BACE1: variants seen among roughly 807,000 people sequenced by gnomAD.
BACE1 encodes the protein APP beta-secretase.
Under a neutral mutation model 54.0 loss-of-function variants are expected in BACE1, and 21 were observed. The ratio of observed to expected loss-of-function variants is 0.39; its 90% confidence interval spans 0.28 to 0.56. The LOEUF (loss-of-function observed/expected upper bound fraction) is 0.56. BACE1 is among the 20% of genes least tolerant of loss of function. The pLI is 0.63. For missense variants in BACE1, 511 were observed against 661.2 expected (o/e 0.77, Z 2.49); for synonymous variants, 232 against 260.9 (o/e 0.89, Z 1.07).
At position 117,315,241 on chromosome 11, in the gene BACE1, C is replaced by T. The variant is rs369347844; in HGVS notation, c.261+294G>A. On this transcript the variant is annotated intron_variant, in intron 1 of 8. Transcript: ENST00000313005. The surrounding 1 kb of genome is among the most constrained non-coding windows in gnomAD (Gnocchi z 5.5). The stretch of plus-strand genomic sequence containing the variant: ...TATAGTGCCCCTGTGGCGGACCCTT[C>T]CTCCAGGTCAGGGTCCCCAGCTGAT... 6.6e-6 allele frequency among the ~76,000 whole-genome samples: 1 copy of T among 152,266 alleles called. No homozygotes were observed. Among genetic ancestry groups the T allele is most frequent in the East Asian group, 1.9e-4 (1 of 5,168 alleles).
chr11:117,315,955 C>G lies in BACE1; in HGVS notation c.-160G>C. ...AGGGCCCTGGGCCAGCCCCCGGGTC[C>G]GGGCTGTGGAGAGCGGTCAGGGGAG... On this transcript the variant is annotated 5_prime_UTR_variant, in exon 1 of 9. Transcript: ENST00000313005. The surrounding 1 kb of genome is among the most constrained non-coding windows in gnomAD (Gnocchi z 5.5). The G allele has an allele frequency of 1.3e-6, 1 of 785,380 alleles. No homozygotes were observed. Among genetic ancestry groups the G allele is most frequent in the Non-Finnish European group, 1.8e-6 (1 of 549,942 alleles). 48.7% of individuals were successfully genotyped at this position (785,380 alleles called of 1,614,324 possible).
intron 1 of BACE1, among the ~76,000 whole-genome samples, chr11:117,299,217 G>A (rs1351308720): frequency 6.6e-6 from 1 of 152,214 alleles, no homozygotes; most frequent in South Asian, 2.1e-4. Flanking sequence ...AAAAGGAAAG[G>A]CCCCACCCTC....
chr11:117,298,918 G>A lies in BACE1; in HGVS notation c.262-1957C>T, dbSNP rs926908040. 3.9e-5 allele frequency among the ~76,000 whole-genome samples: 6 copies of A among 152,296 alleles called. No individual in the cohort carries two copies. In the East Asian group the frequency reaches 1.2e-3, roughly 29 times the overall value. Reference sequence around the variant, plus strand: ...CCTCCTGGGTTCAAGTGATTCTCCTGTCTCAGTCTCCTGAGTAGCTGGGAT... The same window carrying A: ...CCTCCTGGGTTCAAGTGATTCTCCTATCTCAGTCTCCTGAGTAGCTGGGAT... On this transcript the variant is annotated intron_variant, in intron 1 of 8. Coordinates refer to ENST00000313005, the MANE Select transcript of BACE1 (RefSeq NM_012104.6).
chr11:117,300,244 GCTCT>G (rs1205411954), intron 1 of BACE1, among the ~76,000 whole-genome samples: 1 of 151,966 alleles, frequency 6.6e-6, no homozygotes, highest in Non-Finnish European at 1.5e-5. Context: ...GGTCCCCACT[GCTCT>G]CTGCCTCCCC....
chr11:117,314,847 A>G (rs2035045258), intron 1 of BACE1: 1 of 151,518 alleles, frequency 6.6e-6, no homozygotes, highest in South Asian at 2.1e-4. Context: ...CTCCTTTCCT[A>G]CCATTTGTTC....
chr11:117,313,117 C>T (rs1270732064), intron 1 of BACE1, among the ~76,000 whole-genome samples: 7 of 152,160 alleles, frequency 4.6e-5, no homozygotes, highest in Admixed American at 3.9e-4. Flanking sequence ...ACAACAGCCG[C>T]GCCAGGTAGG....
At chr11:117,299,362 G>C (rs954652996) in intron 1 of BACE1, among the ~76,000 whole-genome samples, 17 of 151,940 alleles carry the variant, frequency 1.1e-4, no homozygotes. Context: ...CCTCAGTTTT[G>C]GTGCAGGCCC....
intron 1 of BACE1, among the ~76,000 whole-genome samples, chr11:117,300,268 T>TAC (rs767943811): frequency 3.3e-5 from 5 of 152,030 alleles, no homozygotes; most frequent in East Asian, 1.9e-4. Flanking sequence ...CTCTCCACCT[T>TAC]ACACACACAC....
rs1310833563 is a variant in BACE1 at position 117,287,477 on chromosome 11, CAGGA to C, written c.*2085_*2088del. ...ACACTTAGAGTTTATAATTTTGGGG[CAGGA>C]AGGAAGTAACTGTAAAAAGAAAAAC... On this transcript the variant is annotated 3_prime_UTR_variant, in exon 9 of 9. Coordinates refer to ENST00000313005, the MANE Select transcript of BACE1 (RefSeq NM_012104.6). 1.3e-5 allele frequency: 2 copies of C among 152,282 alleles called. No individual in the cohort carries two copies. The highest frequency in any genetic ancestry group is 3.8e-4 in the East Asian group (2 of 5,200). The allele number at this position is 152,282 out of a possible 1,614,324, so 9.4% of individuals were successfully genotyped here.
rs755703640 is a variant in BACE1, at chr11:117,295,164, G to A, written c.534C>T (p.Gly178=). The part of the protein sequence containing the change: ...KFFINGSNWE[G]ILGLAYAEIA... ...TCTCAGCATAGGCCAGCCCCAGGAT[G>A]CCTTCCCAGTTGGAGCCGTTGATGA... is the stretch of plus-strand genomic sequence containing the variant. Residue 178 remains glycine (G), a synonymous_variant, in exon 3 of 9, where the codon GGC becomes GGT. Transcript: ENST00000313005. 9 of 1,614,226 alleles carry A rather than the reference G, an allele frequency of 5.6e-6. No individual in the cohort carries two copies. Among genetic ancestry groups the A allele is most frequent in the Non-Finnish European group, 7.6e-6 (9 of 1,180,046 alleles).
At position 117,287,745 on chromosome 11, in the gene BACE1, G is replaced by A. The variant is rs750544060; in HGVS notation, c.*1821C>T. The A allele has an allele frequency of 6.6e-6, 1 of 152,632 alleles. No individual in the cohort carries two copies. Among genetic ancestry groups the A allele is most frequent in the Non-Finnish European group, 1.5e-5 (1 of 68,046 alleles). The allele number at this position is 152,632 out of a possible 1,614,324, so 9.5% of individuals were successfully genotyped here. A position where few individuals can be genotyped will look rare whatever the true frequency, so the allele number is the denominator to read the frequency against. On this transcript the variant is annotated 3_prime_UTR_variant, in exon 9 of 9. Coordinates refer to ENST00000313005, the MANE Select transcript of BACE1 (RefSeq NM_012104.6). ...TTCCTGTCAGACTCTGTAGTTATGG[G>A]GTGTTCCCAGTCAGCCAAAGCAGCA...
intron 1 of BACE1, among the ~76,000 whole-genome samples, chr11:117,306,656 T>C (rs28989476): frequency 0.03 from 4,544 of 151,896 alleles, 106 homozygotes; most frequent in South Asian, 0.048. Flanking sequence ...AAAATATATA[T>C]ATAAATTAGC....
At position 117,289,016 on chromosome 11, in the gene BACE1, A is replaced by C; in HGVS notation, c.*550T>G. 6.6e-6 allele frequency: 1 copy of C among 152,516 alleles called. No homozygotes were observed. Among genetic ancestry groups the C allele is most frequent in the Non-Finnish European group, 1.5e-5 (1 of 68,652 alleles). The allele number at this position is 152,516 out of a possible 1,614,324, so 9.4% of individuals were successfully genotyped here. ...CCCCATTTGTATAAATAGTCAATCT[A>C]GTTTTTTTTTTTAATTCAAGAGGCA... On this transcript the variant is annotated 3_prime_UTR_variant, in exon 9 of 9. Coordinates refer to ENST00000313005, the MANE Select transcript of BACE1 (RefSeq NM_012104.6).
At chr11:117,297,001 A>C (rs1423232523) in intron 1 of BACE1, 40 bp from the exon 2 acceptor site, 2 of 1,499,494 alleles carry the variant, frequency 1.3e-6, no homozygotes, top group African/African-American at 2.8e-5. Context: ...TATAGACAGG[A>C]GGCTTCGGTC....
At position 117,293,025 on chromosome 11, in the gene BACE1, G is replaced by A. The variant is rs1307035962; in HGVS notation, c.840+29C>T. 5.6e-6 allele frequency: 9 copies of A among 1,611,376 alleles called. No individual in the cohort carries two copies. Among genetic ancestry groups the A allele is most frequent in the Non-Finnish European group, 6.8e-6 (8 of 1,178,704 alleles). On this transcript the variant is annotated intron_variant, in intron 5 of 8. Transcript: ENST00000313005. This position sits in a 1 kb window ranked among gnomAD's most constrained non-coding sequence, Gnocchi z 4.1. ...CACATTGTACTGCCTACCCCCTTAT[G>A]TTCCCAGGCTCTCCCTTGGTTTTCT...
Position 117,293,701 on chromosome 11 carries a change from C to G in BACE1, c.705+170G>C. Reference sequence around the variant, plus strand: ...GTGCCTTGATTCCTTTCTGGAATAACGCAAAAAAGAAAAGAATGGAAAAAT... The same window carrying G: ...GTGCCTTGATTCCTTTCTGGAATAAGGCAAAAAAGAAAAGAATGGAAAAAT... On this transcript the variant is annotated intron_variant, in intron 4 of 8. Coordinates refer to ENST00000313005, the MANE Select transcript of BACE1 (RefSeq NM_012104.6). The surrounding 1 kb of genome is among the most constrained non-coding windows in gnomAD (Gnocchi z 4.1). The G allele has an allele frequency of 1.5e-6, 1 of 655,770 alleles. No individual in the cohort carries two copies. Among genetic ancestry groups the G allele is most frequent in the South Asian group, 5.7e-5 (1 of 17,422 alleles). 40.6% of individuals were successfully genotyped at this position (655,770 alleles called of 1,614,324 possible).
Position 117,293,390 on chromosome 11 carries a change from G to T in BACE1, c.706-202C>A. On this transcript the variant is annotated intron_variant, in intron 4 of 8. Transcript: ENST00000313005. The surrounding 1 kb of genome is among the most constrained non-coding windows in gnomAD (Gnocchi z 4.1). Reference sequence around the variant, plus strand: ...GTGTTCAGGAGAAAAGACTTTCCGGGATTTTTAATTATTTGTTTCAGAATC... The same window carrying T: ...GTGTTCAGGAGAAAAGACTTTCCGGTATTTTTAATTATTTGTTTCAGAATC... The T allele has an allele frequency of 2.2e-6, 1 of 461,920 alleles. No individual in the cohort carries two copies. The highest frequency in any genetic ancestry group is 3.7e-6 in the Non-Finnish European group (1 of 271,034). The allele number at this position is 461,920 out of a possible 1,614,324, so 28.6% of individuals were successfully genotyped here. A position where few individuals can be genotyped will look rare whatever the true frequency, so the allele number is the denominator to read the frequency against.
chr11:117,300,520 T>G (rs1035135286), intron 1 of BACE1, among the ~76,000 whole-genome samples: 1 of 152,112 alleles, frequency 6.6e-6, no homozygotes, highest in African/African-American at 2.4e-5. Context: ...GCTTGCTCAT[T>G]ATGAAACAGG....
intron 1 of BACE1, among the ~76,000 whole-genome samples, chr11:117,298,498 G>A (rs2034652719): frequency 6.6e-6 from 1 of 152,146 alleles, no homozygotes; most frequent in African/African-American, 2.4e-5. Context: ...ATTCTCCCAG[G>A]AAGCAGTCTG....
Sources: gnomAD v4.1 joint callset for allele counts (sites outside exome capture counted in the v4.1 genomes callset) on GRCh38, gnomAD v4.1.1 for gene constraint, Gnocchi (gnomAD v3.1) non-coding constraint, MANE v1.5 for transcripts, NCBI Gene and HGNC (gene_info 2026-07-23, HGNC 2026-07-21) for gene names.